CLVS1: variants seen among roughly 807,000 people sequenced by gnomAD.
CLVS1 encodes clavesin 1.
A neutral mutation model predicts 33.1 loss-of-function variants in CLVS1; 10 were observed. That is an observed-to-expected ratio of 0.30 (90% CI 0.19 to 0.51). The LOEUF is 0.51. Ranked by LOEUF, CLVS1 falls within the 20% of genes least tolerant of loss-of-function variation. The pLI is 0.97. For missense variants in CLVS1, 343 were observed against 433.4 expected (o/e 0.79, Z 1.85); for synonymous variants, 163 against 166.1 (o/e 0.98, Z 0.14).
chr8:61,287,325 C>T (rs576775529), upstream of CLVS1, among the ~76,000 whole-genome samples: 79 of 152,232 alleles, frequency 5.2e-4, 1 homozygote, highest in Admixed American at 1.8e-3. Context: ...TTTAACATTC[C>T]TCCTTTTTTT....
In CLVS1 at chr8:61,231,286, G is replaced by GCACACA. The variant is rs4033613; in HGVS notation, c.-151-68375_-151-68370dup. On this transcript the variant is annotated intron_variant, in intron 2 of 2. Coordinates refer to the CLVS1 transcript ENST00000522621. ...CCCATGCATATAGGCACCTGTGCTTGCACACACACACACACACACACTCTA... is the reference window on the plus strand; with the variant it reads ...CCCATGCATATAGGCACCTGTGCTTGCACACACACACACACACACACACACACTCTA... 8.5e-3 allele frequency among the ~76,000 whole-genome samples: 1,277 copies of GCACACA among 150,068 alleles called. 24 individuals are homozygous for GCACACA. Among genetic ancestry groups the GCACACA allele is most frequent in the African/African-American group, 0.029 (1,187 of 40,482 alleles).
At chr8:61,278,733 C>A (rs1809611764) in intron 2 of CLVS1, among the ~76,000 whole-genome samples, 1 of 152,182 alleles carries the variant, frequency 6.6e-6, no homozygotes, top group Non-Finnish European at 1.5e-5. Flanking sequence ...CAATGCACAC[C>A]CTCCAGTTTA....
intron 1 of CLVS1, among the ~76,000 whole-genome samples, chr8:61,110,928 C>T (rs1805614161): frequency 6.6e-6 from 1 of 152,120 alleles, no homozygotes; most frequent in Non-Finnish European, 1.5e-5. Context: ...TTTTGTATAC[C>T]TATACATCTG....
At chr8:61,375,017 A>G (rs35570725) in intron 2 of CLVS1, among the ~76,000 whole-genome samples, 149 of 152,224 alleles carry the variant, frequency 9.8e-4, no homozygotes, top group Non-Finnish European at 1.5e-3. Flanking sequence ...CCAATTATCC[A>G]TAAAATTCCT....
At chr8:61,337,331 C>G (rs1227708759) in intron 2 of CLVS1, among the ~76,000 whole-genome samples, 3 of 152,180 alleles carry the variant, frequency 2.0e-5, no homozygotes, top group African/African-American at 7.2e-5. Context: ...TTTTTGCCCT[C>G]TTAGCCTCCG....
rs894234461 is a variant in CLVS1 at position 61,253,997 on chromosome 8, T to G, written c.-151-45680T>G. On this transcript the variant is annotated intron_variant, in intron 2 of 2. Coordinates refer to the CLVS1 transcript ENST00000522621. ...TTCCTTTGGAGGCGGAGAGGCGCTC[T>G]GATTTTTAGAATTTTCAGTTTTTCT... 3.3e-5 allele frequency among the ~76,000 whole-genome samples: 5 copies of G among 152,370 alleles called. No homozygotes were observed. In the East Asian group the frequency reaches 5.8e-4, roughly 18 times the overall value.
intron 2 of CLVS1, among the ~76,000 whole-genome samples, chr8:61,343,863 G>T (rs1410458123): frequency 6.6e-6 from 1 of 150,692 alleles, no homozygotes; most frequent in Non-Finnish European, 1.5e-5. Flanking sequence ...AAACATTTCT[G>T]CTGTCATCAT....
At chr8:61,276,466 C>G (rs886257519) in intron 2 of CLVS1, among the ~76,000 whole-genome samples, 24 of 152,188 alleles carry the variant, frequency 1.6e-4, no homozygotes. Flanking sequence ...TAAAGTTGTA[C>G]TTCTGGCAAC....
intron 2 of CLVS1, among the ~76,000 whole-genome samples, chr8:61,148,940 T>G (rs1236366907): frequency 3.3e-5 from 5 of 152,118 alleles, no homozygotes; most frequent in Non-Finnish European, 7.4e-5. Flanking sequence ...CCAGGAACAT[T>G]CCAATTGCAG....
At chr8:61,486,122 T>G (rs1803873588) in intron 5 of CLVS1, among the ~76,000 whole-genome samples, 1 of 151,296 alleles carries the variant, frequency 6.6e-6, no homozygotes, top group African/African-American at 2.4e-5. Flanking sequence ...AATAAATAAA[T>G]AAATAAAATA....
chr8:61,069,945 A>T (rs1209608545), intron 1 of CLVS1, among the ~76,000 whole-genome samples: 1 of 152,034 alleles, frequency 6.6e-6, no homozygotes, highest in African/African-American at 2.4e-5. Context: ...GGCATGCACC[A>T]CCATGCCTGG....
At chr8:61,134,717 A>T (rs146467086) in intron 2 of CLVS1, among the ~76,000 whole-genome samples, 3 of 152,126 alleles carry the variant, frequency 2.0e-5, no homozygotes, top group Admixed American at 2.0e-4. Flanking sequence ...CTCCTCTTCC[A>T]CATTTAAGGA....
At chr8:61,450,669 C>A (rs895726236) in intron 3 of CLVS1, among the ~76,000 whole-genome samples, 6 of 152,152 alleles carry the variant, frequency 3.9e-5, no homozygotes, top group Non-Finnish European at 7.4e-5. Flanking sequence ...GTCCCCACTG[C>A]CCTGAAGACT....
rs537367914 is a variant in CLVS1 at position 61,484,825 on chromosome 8, C to G, written c.978-14630C>G. 3.8e-4 allele frequency among the ~76,000 whole-genome samples: 58 copies of G among 152,174 alleles called. No individual in the cohort carries two copies. The East Asian group carries it at 6.4e-3, about 17-fold the overall frequency. ...ACCACCTGATCTTTGACAAACCTGA[C>G]AAAAACAAGCAATGGGGAAAGGATT... is the stretch of plus-strand genomic sequence containing the variant. On this transcript the variant is annotated intron_variant, in intron 5 of 5. Coordinates refer to ENST00000325897, the MANE Select transcript of CLVS1 (RefSeq NM_173519.3).
At chr8:61,018,908 G>A in the CLVS1 span, among the ~76,000 whole-genome samples, 1 of 152,212 alleles carries the variant, frequency 6.6e-6, no homozygotes, top group Middle Eastern at 3.2e-3. Flanking sequence ...GAATTCAGAG[G>A]TTGTGGAGCA....
chr8:61,476,303 C>T (rs1817929010), intron 5 of CLVS1, among the ~76,000 whole-genome samples: 3 of 152,100 alleles, frequency 2.0e-5, no homozygotes, highest in Non-Finnish European at 2.9e-5. Context: ...TCCATATGAA[C>T]TTTAAAGTAG....
At chr8:61,127,596 A>G (rs574387535) in intron 1 of CLVS1, among the ~76,000 whole-genome samples, 1 of 152,324 alleles carries the variant, frequency 6.6e-6, no homozygotes, top group African/African-American at 2.4e-5. Context: ...TATGTACAGT[A>G]CATTTTTAAC....
At chr8:61,275,974 C>A (rs981847892) in intron 2 of CLVS1, among the ~76,000 whole-genome samples, 1 of 152,172 alleles carries the variant, frequency 6.6e-6, no homozygotes, top group Non-Finnish European at 1.5e-5. Flanking sequence ...TTTAAGTTGC[C>A]ATTAATGTGG....
In CLVS1 at chr8:61,232,023, G is replaced by GTTTGTTTGTTTGTTTGTTTGT; in HGVS notation, c.-151-67651_-151-67650insGTTTGTTTGTTTGTTTGTTTT. Among the ~76,000 whole-genome samples the GTTTGTTTGTTTGTTTGTTTGT allele has an allele frequency of 8.0e-5, 5 of 62,628 alleles. 1 individual carries two copies. Among genetic ancestry groups the GTTTGTTTGTTTGTTTGTTTGT allele is most frequent in the South Asian group, 9.8e-4 (2 of 2,034 alleles). 41.1% of individuals were successfully genotyped at this position (62,628 alleles called of 152,430 possible). On this transcript the variant is annotated intron_variant, in intron 2 of 2. Coordinates refer to the CLVS1 transcript ENST00000522621. ...AGAAGGAGCCCTGAGGAAAGTTGTG[G>GTTTGTTTGTTTGTTTGTTTGT]TTTTTTTTTTTTTTTTTTTTTTTTT...
Sources: allele counts gnomAD v4.1 joint callset (sites outside exome capture counted in the v4.1 genomes callset), GRCh38; gene constraint gnomAD v4.1.1; transcripts MANE v1.5; gene names NCBI Gene and HGNC (gene_info 2026-07-23, HGNC 2026-07-21).